Variants in GUCY1A2 observed in about 807,000 individuals in gnomAD.
GUCY1A2 encodes guanylate cyclase 1 soluble subunit alpha 2, also known as guanylate cyclase soluble subunit alpha-2.
A neutral mutation model predicts 63.5 loss-of-function variants in GUCY1A2; 27 were observed. The observed-to-expected ratio is 0.43, with a 90% CI of 0.31 to 0.59. The LOEUF (loss-of-function observed/expected upper bound fraction) is 0.59, where lower values mean the gene tolerates loss of function less well. Among genes scored for constraint, GUCY1A2 ranks in the 20% least tolerant of loss-of-function variants. The pLI, the probability that GUCY1A2 is intolerant of heterozygous loss-of-function variation, is 0.11. For missense variants in GUCY1A2, 768 were observed against 913.3 expected, an observed-to-expected ratio of 0.84 and a Z score of 2.05; for synonymous variants, 364 against 343.5, an observed-to-expected ratio of 1.06 and a Z score of -0.66.
At chr11:106,949,539 C>T (rs998004776) in intron 3 of GUCY1A2, among the ~76,000 whole-genome samples, 1 of 152,156 alleles carries the variant, frequency 6.6e-6, no homozygotes, top group Non-Finnish European at 1.5e-5. Flanking sequence ...ACCAAAATTC[C>T]TTCAGAATGC....
intron 6 of GUCY1A2, among the ~76,000 whole-genome samples, chr11:106,729,479 C>G (rs1863462537): frequency 1.3e-5 from 2 of 152,082 alleles, no homozygotes; most frequent in East Asian, 3.9e-4. Context: ...TTCAAAAAAT[C>G]TTACTTTTGT....
At chr11:106,999,693 T>G (rs529278404) in intron 1 of GUCY1A2, among the ~76,000 whole-genome samples, 6 of 152,334 alleles carry the variant, frequency 3.9e-5, no homozygotes, top group Non-Finnish European at 8.8e-5. Context: ...AAAAGTATGT[T>G]TCTTGGGGTA....
At chr11:106,830,558 A>C (rs1028752145) in intron 4 of GUCY1A2, among the ~76,000 whole-genome samples, 1 of 152,318 alleles carries the variant, frequency 6.6e-6, no homozygotes, top group East Asian at 1.9e-4. Context: ...AAGAAAGTTG[A>C]AATATTAAAC....
chr11:106,843,952 A>C (rs1252054007), intron 4 of GUCY1A2, among the ~76,000 whole-genome samples: 1 of 151,860 alleles, frequency 6.6e-6, no homozygotes. Context: ...TCAGGAAATG[A>C]GGTATAACAT....
chr11:106,977,505 T>A (rs1861277924), intron 3 of GUCY1A2, among the ~76,000 whole-genome samples: 1 of 152,168 alleles, frequency 6.6e-6, no homozygotes, highest in Non-Finnish European at 1.5e-5. Context: ...ATTTTCTTAT[T>A]ATACAATTTT....
chr11:106,935,602 G>A (rs1860665064), intron 4 of GUCY1A2, among the ~76,000 whole-genome samples: 1 of 152,116 alleles, frequency 6.6e-6, no homozygotes, highest in Non-Finnish European at 1.5e-5. Context: ...CAATTTGATA[G>A]GCCAAGGTGG....
chr11:106,692,344 C>T (rs2135336711), intron 7 of GUCY1A2, among the ~76,000 whole-genome samples: 1 of 152,244 alleles, frequency 6.6e-6, no homozygotes, highest in South Asian at 2.1e-4. Context: ...CCTTTCTCTG[C>T]TCAACAGTTT....
chr11:107,015,628 A>C (rs993206827), intron 1 of GUCY1A2, among the ~76,000 whole-genome samples: 1 of 150,590 alleles, frequency 6.6e-6, no homozygotes, highest in African/African-American at 2.4e-5. Flanking sequence ...AATTCTCCCC[A>C]AACTAATCAT....
In GUCY1A2 at chr11:106,821,432, C is replaced by T. The variant is rs546894429; in HGVS notation, c.1207-10954G>A. On this transcript the variant is annotated intron_variant, in intron 4 of 7. Coordinates refer to ENST00000526355, the MANE Select transcript of GUCY1A2 (RefSeq NM_000855.3). ...TTAAAGGCACAGAACTAAAAGTTTT[C>T]CTTGCTTTAAAACCAACAGTTAGCC... Among the ~76,000 whole-genome samples, 4 of 152,250 alleles carry T rather than the reference C, an allele frequency of 2.6e-5. No individual in the cohort carries two copies. In the South Asian group the frequency reaches 8.3e-4, roughly 32 times the overall value.
chr11:106,774,556 GCTGATTACTGTGTCTGGGTA>G (rs1404616275), intron 6 of GUCY1A2, among the ~76,000 whole-genome samples: 1 of 147,158 alleles, frequency 6.8e-6, no homozygotes, highest in Non-Finnish European at 1.5e-5. Context: ...GTGTCTGGGT[GCTGATTACTGTGTCTGGGTA>G]CTGATTGACA....
chr11:107,011,919 A>G (rs901529525), intron 1 of GUCY1A2, among the ~76,000 whole-genome samples: 2 of 152,126 alleles, frequency 1.3e-5, no homozygotes, highest in African/African-American at 4.8e-5. Context: ...ACACACATAC[A>G]GATTAGTTTG....
intron 6 of GUCY1A2, among the ~76,000 whole-genome samples, chr11:106,716,219 T>C (rs1191712908): frequency 1.3e-5 from 2 of 152,132 alleles, no homozygotes; most frequent in Admixed American, 1.3e-4. Context: ...TGAGGGAATA[T>C]GCCCCACAGC....
intron 4 of GUCY1A2, among the ~76,000 whole-genome samples, chr11:106,883,341 C>G (rs1426172451): frequency 6.6e-6 from 1 of 152,082 alleles, no homozygotes; most frequent in Non-Finnish European, 1.5e-5. Context: ...CCTTACACAA[C>G]AGTATTTTCA....
chr11:106,705,008 A>G (rs1041236516), intron 7 of GUCY1A2, among the ~76,000 whole-genome samples: 4 of 151,900 alleles, frequency 2.6e-5, no homozygotes, highest in African/African-American at 9.7e-5. Context: ...GGGAACAAAA[A>G]TGTGTGTAAA....
At chr11:106,866,402 C>T (rs1203052514) in intron 4 of GUCY1A2, among the ~76,000 whole-genome samples, 1 of 152,024 alleles carries the variant, frequency 6.6e-6, no homozygotes, top group Non-Finnish European at 1.5e-5. Context: ...GACTTCAATG[C>T]ATGACTTGAG....
intron 6 of GUCY1A2, among the ~76,000 whole-genome samples, chr11:106,713,796 G>A (rs971703940): frequency 6.6e-6 from 1 of 151,862 alleles, no homozygotes; most frequent in African/African-American, 2.4e-5. Flanking sequence ...GTGAGCCACC[G>A]CGCCCAGCCC....
chr11:106,708,539 C>T lies in GUCY1A2; in HGVS notation c.1964G>A (p.Arg655His), dbSNP rs759653669. 3.2e-5 allele frequency: 52 copies of T among 1,612,020 alleles called. No individual in the cohort carries two copies. Among genetic ancestry groups the T allele is most frequent in the Non-Finnish European group, 4.1e-5 (48 of 1,178,942 alleles). The change falls in exon 7 of 8, where the codon CGC becomes CAC. Residue 655 changes from arginine (R) to histidine (H), a missense_variant. Coordinates refer to ENST00000526355, the MANE Select transcript of GUCY1A2 (RefSeq NM_000855.3). The part of the protein sequence containing the change: ...SKFESGSHPR[R>H]INVSPTTYQL... Reference sequence around the variant, plus strand: ...GTAAGTGGTTGGGCTGACATTGATGCGCCGAGGGTGACTTCCCGACTCGAA... The same window carrying T: ...GTAAGTGGTTGGGCTGACATTGATGTGCCGAGGGTGACTTCCCGACTCGAA...
intron 4 of GUCY1A2, among the ~76,000 whole-genome samples, chr11:106,860,982 A>C (rs1418558762): frequency 2.6e-5 from 4 of 151,944 alleles, no homozygotes; most frequent in African/African-American, 4.8e-5. Context: ...TTTAAGAAGG[A>C]GGAGGAGGAG....
rs529389296 is a variant in GUCY1A2, at chr11:106,757,147, G to A, written c.1836+19292C>T. Reference sequence around the variant, plus strand: ...CTTCTGTTTGATAGATTTGGCTATTGAAGCTTGTGTATACTTCATGAAGTT... The same window carrying A: ...CTTCTGTTTGATAGATTTGGCTATTAAAGCTTGTGTATACTTCATGAAGTT... On this transcript the variant is annotated intron_variant, in intron 6 of 7. Transcript: ENST00000526355. 2.6e-5 allele frequency among the ~76,000 whole-genome samples: 4 copies of A among 151,746 alleles called. No individual in the cohort carries two copies. In the East Asian group the frequency reaches 5.8e-4, roughly 22 times the overall value.
Sources: allele counts gnomAD v4.1 joint callset (sites outside exome capture counted in the v4.1 genomes callset), GRCh38; gene constraint gnomAD v4.1.1; transcripts MANE v1.5; gene names NCBI Gene and HGNC (gene_info 2026-07-23, HGNC 2026-07-21).